Variants in SMAD5 observed in about 807,000 individuals in gnomAD.
SMAD5 encodes SMAD family member 5, also known as MAD, mothers against decapentaplegic homolog 5.
Under a neutral mutation model 43.1 loss-of-function variants are expected in SMAD5, and 9 were observed. The observed-to-expected ratio is 0.21, with a 90% confidence interval of 0.13 to 0.36. The LOEUF (loss-of-function observed/expected upper bound fraction) is 0.36. SMAD5 is among the 10% of genes least tolerant of loss of function. The probability of loss-of-function intolerance (pLI) is 1.00; values close to 1 mark genes in which losing one functional copy is unlikely to be tolerated. For synonymous variants in SMAD5, 190 were observed against 192.4 expected, an observed-to-expected ratio of 0.99 and a Z score of 0.10; for missense variants, 348 against 574.0, an observed-to-expected ratio of 0.61 and a Z score of 4.02.
chr5:136,171,876 T>G (rs1399553329), intron 5 of SMAD5, among the ~76,000 whole-genome samples: 1 of 152,172 alleles, frequency 6.6e-6, no homozygotes, highest in African/African-American at 2.4e-5. Flanking sequence ...TCCCTAAAAT[T>G]CATATGTTGA....
intron 3 of SMAD5, among the ~76,000 whole-genome samples, chr5:136,156,554 A>G (rs1484761842): frequency 9.9e-5 from 15 of 152,204 alleles, no homozygotes; most frequent in Non-Finnish European, 2.2e-4. Flanking sequence ...TTGGTATGAT[A>G]TGATTCTCAG....
chr5:136,155,892 A>G (rs1753619895), intron 3 of SMAD5, among the ~76,000 whole-genome samples: 2 of 152,172 alleles, frequency 1.3e-5, no homozygotes, highest in South Asian at 2.1e-4. Flanking sequence ...AATTTTTTTT[A>G]TAATGAATGG....
chr5:136,174,083 GC>G (rs1437504025), intron 6 of SMAD5, among the ~76,000 whole-genome samples: 1 of 150,190 alleles, frequency 6.7e-6, no homozygotes, highest in East Asian at 1.9e-4. Flanking sequence ...TTTTTTTTTA[GC>G]CCTCTCTTTC....
At chr5:136,140,759 C>A (rs927623760) in intron 1 of SMAD5, among the ~76,000 whole-genome samples, 1 of 151,328 alleles carries the variant, frequency 6.6e-6, no homozygotes, top group Admixed American at 6.6e-5. Context: ...ACAAACATAT[C>A]ATTTACTATA....
intron 4 of SMAD5, 50 bp downstream of exon 4, chr5:136,161,157 A>C (rs186142609): frequency 6.4e-7 from 1 of 1,567,140 alleles, no homozygotes; most frequent in East Asian, 2.2e-5. Flanking sequence ...CCTAAGAATC[A>C]CAGTTGTTCT....
At chr5:136,136,409 A>G (rs1054938478) in intron 1 of SMAD5, among the ~76,000 whole-genome samples, 1 of 152,044 alleles carries the variant, frequency 6.6e-6, no homozygotes, top group Non-Finnish European at 1.5e-5. Flanking sequence ...AACTCTTAAC[A>G]TACCTTGTTT....
rs74723002 is a variant in SMAD5, at chr5:136,171,720, T to C, written c.776-714T>C. On this transcript the variant is annotated intron_variant, in intron 5 of 7. Transcript: ENST00000545279. ...TCATATGTAGATGATATTTGGATGA[T>C]ACTGGGTTTACAACATTAGAGTTGA... Among the ~76,000 whole-genome samples, 247 of 152,336 alleles carry C rather than the reference T, an allele frequency of 1.6e-3. 2 individuals carry two copies. The highest frequency in any genetic ancestry group is 9.8e-3 in the East Asian group (51 of 5,182).
Sources: gnomAD v4.1 joint callset for allele counts (sites outside exome capture counted in the v4.1 genomes callset) on GRCh38, gnomAD v4.1.1 for gene constraint, MANE v1.5 for transcripts, NCBI Gene and HGNC (gene_info 2026-07-23, HGNC 2026-07-21) for gene names.